The following PTPN13 variants were observed in gnomAD, a reference collection of about 807,000 sequenced individuals.
PTPN13 encodes the protein tyrosine-protein phosphatase non-receptor type 13.
PTPN13 carries 191 observed loss-of-function variants against 284.0 expected under a neutral mutation model. That is an observed-to-expected ratio of 0.67 (90% CI 0.60 to 0.76). The LOEUF (loss-of-function observed/expected upper bound fraction) is 0.76. Ranked by LOEUF, PTPN13 falls within the 30% of genes least tolerant of loss-of-function variation. The pLI, the probability that PTPN13 is intolerant of heterozygous loss-of-function variation, is 0.00. For missense variants in PTPN13, 2,797 were observed against 2,939.9 expected (o/e 0.95, Z 1.12); for synonymous variants, 986 against 1,022.3 (o/e 0.96, Z 0.68).
At chr4:86,689,628 C>T in intron 5 of PTPN13, 1 of 701,988 alleles carries the variant, frequency 1.4e-6, no homozygotes, top group Non-Finnish European at 2.6e-6. Context: ...AGGTATTTCC[C>T]AAACCTTCTC....
chr4:86,666,857 G>A (rs1727141913), intron 2 of PTPN13, among the ~76,000 whole-genome samples: 1 of 152,138 alleles, frequency 6.6e-6, no homozygotes, highest in African/African-American at 2.4e-5. Flanking sequence ...GCTACTTGCT[G>A]TACAGGTGGC....
intron 2 of PTPN13, among the ~76,000 whole-genome samples, chr4:86,637,135 G>T (rs2148731609): frequency 6.6e-6 from 1 of 152,186 alleles, no homozygotes; most frequent in Middle Eastern, 3.4e-3. Context: ...CCAGGAAAAA[G>T]TTGAATCTCT....
At chr4:86,739,967 C>A (rs1157164851) in intron 15 of PTPN13, among the ~76,000 whole-genome samples, 1 of 152,172 alleles carries the variant, frequency 6.6e-6, no homozygotes, top group East Asian at 1.9e-4. Flanking sequence ...TGTCTCACAT[C>A]CGGGTCAAGC....
intron 35 of PTPN13, among the ~76,000 whole-genome samples, chr4:86,775,894 T>C (rs1740577433): frequency 6.6e-6 from 1 of 152,194 alleles, no homozygotes; most frequent in Admixed American, 6.5e-5. Flanking sequence ...AAAATAAAAC[T>C]CAACTTTTGT....
intron 10 of PTPN13, among the ~76,000 whole-genome samples, chr4:86,728,643 C>CTTTTTTTTTT (rs57773658): frequency 1.2e-4 from 3 of 24,502 alleles, no homozygotes; most frequent in African/African-American, 4.5e-4. Context: ...CAACCCCTGC[C>CTTTTTTTTTT]TTTTTTTTTT....
At position 86,782,269 on chromosome 4, in the gene PTPN13, A is replaced by C; in HGVS notation, c.6024+7A>C. 1 of 1,597,338 alleles carries C rather than the reference A, an allele frequency of 6.3e-7. No individual in the cohort carries two copies. The highest frequency in any genetic ancestry group is 8.6e-7 in the Non-Finnish European group (1 of 1,164,858). The stretch of plus-strand genomic sequence containing the variant: ...TAATGATTCATTCTCCACGGTAAGA[A>C]AAAGCCCACCCTCTTTCATGTCATA... On this transcript the variant is annotated splice_region_variant and intron_variant, in intron 37 of 47. Transcript: ENST00000411767.
At chr4:86,802,148 T>TGTG (rs1371074174) in intron 42 of PTPN13, among the ~76,000 whole-genome samples, 2 of 116,522 alleles carry the variant, frequency 1.7e-5, no homozygotes, top group East Asian at 2.5e-4. Context: ...AAGATTTTAG[T>TGTG]GTGTGTGTGT....
Position 86,630,643 on chromosome 4 carries a change from T to C in PTPN13, c.-5-4609T>C, listed in dbSNP as rs72665779. ...TGACCAAAGATGTCCTTAGCCTGGA[T>C]GGTGAGTGAATCCTTGCTCAAACTA... On this transcript the variant is annotated intron_variant, in intron 1 of 47. Coordinates refer to ENST00000411767, the MANE Select transcript of PTPN13 (RefSeq NM_080683.3). Among the ~76,000 whole-genome samples the C allele has an allele frequency of 7.0e-3, 1,067 of 152,290 alleles. 5 individuals are homozygous for C. The highest frequency in any genetic ancestry group is 0.013 in the Non-Finnish European group (856 of 68,012).
chr4:86,639,664 C>G (rs1723523115), intron 2 of PTPN13, among the ~76,000 whole-genome samples: 2 of 150,162 alleles, frequency 1.3e-5, no homozygotes, highest in South Asian at 4.2e-4. Flanking sequence ...AAACATCACA[C>G]TCTGGGGACT....
intron 2 of PTPN13, among the ~76,000 whole-genome samples, chr4:86,642,851 T>A (rs1450191365): frequency 6.6e-6 from 1 of 152,208 alleles, no homozygotes; most frequent in Admixed American, 6.5e-5. Context: ...TGAATTCATG[T>A]AGGAGCTCAG....
At chr4:86,680,872 C>A (rs901858322) in intron 3 of PTPN13, among the ~76,000 whole-genome samples, 1 of 152,160 alleles carries the variant, frequency 6.6e-6, no homozygotes. Context: ...GTTTCCACAT[C>A]CTGTGTACCA....
chr4:86,772,338 G>T (rs2149277110), intron 31 of PTPN13, among the ~76,000 whole-genome samples: 1 of 152,310 alleles, frequency 6.6e-6, no homozygotes, highest in East Asian at 1.9e-4. Context: ...TAGATTGCCT[G>T]AGCTCAGGAG....
intron 10 of PTPN13, among the ~76,000 whole-genome samples, chr4:86,723,736 T>A (rs1350713662): frequency 6.6e-6 from 1 of 152,216 alleles, no homozygotes; most frequent in Non-Finnish European, 1.5e-5. Context: ...TATCATTCTT[T>A]TTTACTATCA....
chr4:86,751,241 AT>A, intron 19 of PTPN13, 117 bp downstream of exon 19: 1 of 723,398 alleles, frequency 1.4e-6, no homozygotes, highest in Non-Finnish European at 2.3e-6. Flanking sequence ...CCAAAACTGA[AT>A]ATAAATTTTA....
chr4:86,675,642 C>G (rs982348130), intron 3 of PTPN13, among the ~76,000 whole-genome samples: 3 of 152,144 alleles, frequency 2.0e-5, no homozygotes, highest in African/African-American at 7.2e-5. Context: ...CCCTTACTAT[C>G]AACTATGTAA....
Position 86,775,544 on chromosome 4 carries a change from T to C in PTPN13, c.5783T>C (p.Leu1928Ser). ...GCCATTGAGGGTAATCTCCAGCTAT[T>C]AGATGTCATCCATTATGTGAACGGA... ...VAAIEGNLQL[L>S]DVIHYVNGVS... Residue 1928 changes from leucine (L) to serine (S), a missense_variant, in exon 35 of 48, where the codon TTA becomes TCA. By Grantham distance (145) the Leu-to-Ser change is moderately radical (BLOSUM62 -2). Coordinates refer to ENST00000411767, the MANE Select transcript of PTPN13 (RefSeq NM_080683.3). 1 of 1,613,604 alleles carries C rather than the reference T, an allele frequency of 6.2e-7. No individual in the cohort carries two copies. The highest frequency in any genetic ancestry group is 8.5e-7 in the Non-Finnish European group (1 of 1,179,642).
intron 2 of PTPN13, among the ~76,000 whole-genome samples, chr4:86,653,299 C>T (rs75921607): frequency 0.047 from 7,086 of 152,044 alleles, 221 homozygotes; most frequent in African/African-American, 0.061. Flanking sequence ...CTGATGCTTT[C>T]GGATGTTCAT....
intron 38 of PTPN13, among the ~76,000 whole-genome samples, chr4:86,784,877 T>A (rs1324658450): frequency 6.6e-6 from 1 of 152,158 alleles, no homozygotes; most frequent in African/African-American, 2.4e-5. Flanking sequence ...ATCTATTATA[T>A]CCTTAATCAT....
intron 2 of PTPN13, among the ~76,000 whole-genome samples, chr4:86,647,096 AAG>A (rs890821427): frequency 6.6e-6 from 1 of 152,138 alleles, no homozygotes; most frequent in Non-Finnish European, 1.5e-5. Flanking sequence ...GGAATTATAA[AAG>A]AGCATGAGGA....
Sources: allele counts gnomAD v4.1 joint callset (sites outside exome capture counted in the v4.1 genomes callset), GRCh38; gene constraint gnomAD v4.1.1; transcripts MANE v1.5; gene names NCBI Gene and HGNC (gene_info 2026-07-23, HGNC 2026-07-21).